Variants in VWF observed in about 807,000 individuals in gnomAD.
The protein encoded by VWF is von Willebrand factor.
VWF carries 176 observed loss-of-function variants against 308.6 expected under a neutral mutation model. The ratio of observed to expected loss-of-function variants is 0.57; its 90% CI spans 0.50 to 0.65. The LOEUF (loss-of-function observed/expected upper bound fraction) is 0.65, where lower values mean the gene tolerates loss of function less well. VWF is among the 30% of genes least tolerant of loss of function. The pLI, the probability that VWF is intolerant of heterozygous loss-of-function variation, is 0.00. For synonymous variants in VWF, 1,385 were observed against 1,443.4 expected (o/e 0.96, Z 0.92); for missense variants, 3,146 against 3,648.2 (o/e 0.86, Z 3.55).
intron 6 of VWF, among the ~76,000 whole-genome samples, chr12:6,078,651 C>T (rs546924670): frequency 2.1e-4 from 32 of 152,270 alleles, no homozygotes; most frequent in African/African-American, 6.5e-4. Context: ...CAGAGTGGCT[C>T]GGAGCAGTCC....
At chr12:5,973,447 A>C (rs1943499001) in intron 43 of VWF, among the ~76,000 whole-genome samples, 1 of 152,204 alleles carries the variant, frequency 6.6e-6, no homozygotes, top group East Asian at 1.9e-4. Flanking sequence ...TATAACTGAA[A>C]TGGAGGTGGT....
intron 6 of VWF, among the ~76,000 whole-genome samples, chr12:6,086,081 A>C (rs1944968853): frequency 6.6e-6 from 1 of 152,070 alleles, no homozygotes. Flanking sequence ...GTCTGCTGTA[A>C]AGAAAGGGTG....
Position 5,976,095 on chromosome 12 carries a change from C to T in VWF, c.7437+16G>A. 6.2e-7 allele frequency: 1 copy of T among 1,613,454 alleles called. No homozygotes were observed. Among genetic ancestry groups the T allele is most frequent in the Admixed American group, 1.7e-5 (1 of 60,026 alleles). ...CTCTGATAGCTGCAGGCATGCCCAG[C>T]CCCTGCCCCACTCACCGACCGACAG... On this transcript the variant is annotated intron_variant, in intron 43 of 51. Coordinates refer to ENST00000261405, the MANE Select transcript of VWF (RefSeq NM_000552.5).
At chr12:6,102,733 C>CAA (rs56767737) in intron 5 of VWF, among the ~76,000 whole-genome samples, 3 of 111,780 alleles carry the variant, frequency 2.7e-5, no homozygotes, top group Non-Finnish European at 6.3e-5. Flanking sequence ...GACTCCGTCT[C>CAA]AAAAAAAAAA....
At position 6,073,711 on chromosome 12, in the gene VWF, C is replaced by G. The variant is rs140911166; in HGVS notation, c.905G>C (p.Arg302Thr). ...CCTGGCGCAAGGGGACACACACTGC[C>G]TATACTCCATACCAGCAGGGCACAC... The part of the protein sequence containing the change: ...SPVCPAGMEY[R>T]QCVSPCARTC... Residue 302 changes from arginine to threonine, a missense_variant, in exon 8 of 52, where the codon AGG becomes ACG. Transcript: ENST00000261405. The G allele has an allele frequency of 8.7e-5, 140 of 1,613,966 alleles. No homozygotes were observed. Among genetic ancestry groups the G allele is most frequent in the Non-Finnish European group, 8.0e-5 (94 of 1,180,028 alleles).
intron 6 of VWF, among the ~76,000 whole-genome samples, chr12:6,088,710 A>G (rs1212334764): frequency 6.6e-6 from 1 of 152,120 alleles, no homozygotes; most frequent in East Asian, 1.9e-4. Flanking sequence ...TTCTTTCTCA[A>G]AGGTACACTT....
chr12:5,997,902 A>G (rs1389835329), intron 34 of VWF, among the ~76,000 whole-genome samples: 1 of 152,224 alleles, frequency 6.6e-6, no homozygotes, highest in Non-Finnish European at 1.5e-5. Context: ...AAATTAATAC[A>G]TTAGAGTTAT....
intron 5 of VWF, among the ~76,000 whole-genome samples, chr12:6,105,119 GA>G (rs1337521231): frequency 6.6e-6 from 1 of 152,210 alleles, no homozygotes; most frequent in East Asian, 1.9e-4. Flanking sequence ...GAGTGGGGCA[GA>G]TGATGAGAAA....
intron 42 of VWF, among the ~76,000 whole-genome samples, chr12:5,980,229 AGGGAGGGAGG>A (rs1943589847): frequency 2.1e-5 from 1 of 46,534 alleles, no homozygotes; most frequent in Non-Finnish European, 3.9e-5. Context: ...GGAGGGAGGG[AGGGAGGGAGG>A]GAAGGAAGGA....
chr12:5,993,129 C>T (rs925901945), intron 37 of VWF, among the ~76,000 whole-genome samples: 1 of 152,176 alleles, frequency 6.6e-6, no homozygotes, highest in African/African-American at 2.4e-5. Context: ...TGATGATAAA[C>T]TCTGAGGCTC....
intron 25 of VWF, among the ~76,000 whole-genome samples, chr12:6,023,208 C>T (rs573099414): frequency 2.0e-5 from 3 of 152,304 alleles, no homozygotes; most frequent in Admixed American, 6.5e-5. Context: ...AGGTATGAGT[C>T]ACTGTGCCCG....
At chr12:5,998,939 G>A (rs1487007650) in intron 34 of VWF, among the ~76,000 whole-genome samples, 1 of 152,184 alleles carries the variant, frequency 6.6e-6, no homozygotes, top group African/African-American at 2.4e-5. Context: ...ATGTTGGCCA[G>A]GCTGGTCTCG....
chr12:6,068,551 ACT>A (rs1358951193), intron 10 of VWF, among the ~76,000 whole-genome samples: 1 of 150,356 alleles, frequency 6.7e-6, no homozygotes. Flanking sequence ...CTCACTGAAG[ACT>A]CTATCTCCGG....
At chr12:5,950,196 A>G (rs181319036) in intron 50 of VWF, among the ~76,000 whole-genome samples, 1 of 152,252 alleles carries the variant, frequency 6.6e-6, no homozygotes, top group East Asian at 1.9e-4. Flanking sequence ...GACTCTAAAA[A>G]CCACATGGCT....
At chr12:5,999,980 CAA>C (rs1278600043) in intron 34 of VWF, among the ~76,000 whole-genome samples, 24 of 151,372 alleles carry the variant, frequency 1.6e-4, no homozygotes, top group African/African-American at 5.8e-4. Flanking sequence ...AAAAACCAAT[CAA>C]GAGAATGAAA....
intron 20 of VWF, among the ~76,000 whole-genome samples, chr12:6,032,837 CACAT>C (rs1156368576): frequency 2.0e-5 from 3 of 151,504 alleles, no homozygotes; most frequent in African/African-American, 7.3e-5. Flanking sequence ...CACGTGCTCA[CACAT>C]ACACAGATGC....
chr12:5,958,622 A>G (rs1943277030), intron 47 of VWF, among the ~76,000 whole-genome samples: 1 of 152,138 alleles, frequency 6.6e-6, no homozygotes, highest in Admixed American at 6.5e-5. Flanking sequence ...CCAGGAAGTC[A>G]AGGCTGCAAT....
intron 6 of VWF, among the ~76,000 whole-genome samples, chr12:6,079,988 C>A (rs547416153): frequency 6.6e-6 from 1 of 152,196 alleles, no homozygotes; most frequent in African/African-American, 2.4e-5. Context: ...GGAAATCTGC[C>A]CTCTACCCAT....
chr12:6,120,818 C>G (rs182414782), intron 3 of VWF, among the ~76,000 whole-genome samples: 2 of 152,308 alleles, frequency 1.3e-5, no homozygotes, highest in African/African-American at 4.8e-5. Context: ...ACCAAGAAAA[C>G]AACAACGAGT....
Sources: gnomAD v4.1 joint callset for allele counts (sites outside exome capture counted in the v4.1 genomes callset) on GRCh38, gnomAD v4.1.1 for gene constraint, MANE v1.5 for transcripts, NCBI Gene and HGNC (gene_info 2026-07-23, HGNC 2026-07-21) for gene names.